Variants in DCT observed in about 807,000 individuals in gnomAD.
DCT encodes L-dopachrome tautomerase.
A neutral mutation model predicts 53.0 loss-of-function variants in DCT; 47 were observed. That is an observed-to-expected ratio of 0.89 (90% CI 0.70 to 1.13). DCT has a LOEUF of 1.13. Ranked by LOEUF, DCT falls within the 50% of genes most tolerant of loss-of-function variation. DCT has a pLI of 0.00. For synonymous variants in DCT, 244 were observed against 237.0 expected (o/e 1.03, Z -0.27); for missense variants, 669 against 637.4 (o/e 1.05, Z -0.53).
At chr13:94,528,741 C>A in the DCT span, among the ~76,000 whole-genome samples, 7 of 152,104 alleles carry the variant, frequency 4.6e-5, no homozygotes, top group African/African-American at 7.2e-5. Context: ...AATTAACGGG[C>A]AAAATAACCA....
chr13:94,437,213 G>A lies in DCT; in HGVS notation c.*2685C>T, dbSNP rs1881958241. The A allele has an allele frequency of 6.6e-6, 1 of 152,158 alleles. No individual in the cohort carries two copies. Among genetic ancestry groups the A allele is most frequent in the African/African-American group, 2.4e-5 (1 of 41,446 alleles). 9.4% of individuals were successfully genotyped at this position (152,158 alleles called of 1,614,324 possible). On this transcript the variant is annotated 3_prime_UTR_variant, in exon 8 of 8. Coordinates refer to ENST00000377028, the MANE Select transcript of DCT (RefSeq NM_001922.5). ...GAGGTTGTTATTATATATTTTACATGTATATATATTTCAATATACATGCTG... is the reference window on the plus strand; with the variant it reads ...GAGGTTGTTATTATATATTTTACATATATATATATTTCAATATACATGCTG...
upstream of DCT, among the ~76,000 whole-genome samples, chr13:94,482,638 T>A (rs1296342948): frequency 5.3e-5 from 8 of 152,342 alleles, no homozygotes; most frequent in East Asian, 3.9e-4. Flanking sequence ...GCAACAGTAT[T>A]TGGCAAATAG....
the DCT span, among the ~76,000 whole-genome samples, chr13:94,504,811 G>A: frequency 3.9e-5 from 6 of 152,234 alleles, no homozygotes; most frequent in South Asian, 4.2e-4. Flanking sequence ...GACTTGTCAA[G>A]GTGATGCCAT....
the DCT span, among the ~76,000 whole-genome samples, chr13:94,532,291 T>C: frequency 2.2e-4 from 34 of 152,320 alleles, no homozygotes; most frequent in African/African-American, 8.2e-4. Context: ...ACTGGGTATA[T>C]ACCCAGAGGA....
the DCT span, among the ~76,000 whole-genome samples, chr13:94,540,354 C>T: frequency 6.6e-6 from 1 of 152,086 alleles, no homozygotes; most frequent in African/African-American, 2.4e-5. Context: ...ATTTAAGACA[C>T]CACCTGAAAA....
At chr13:94,511,325 T>C in the DCT span, among the ~76,000 whole-genome samples, 1 of 151,236 alleles carries the variant, frequency 6.6e-6, no homozygotes, top group Non-Finnish European at 1.5e-5. Context: ...AGGCTGTTCG[T>C]GTTCCCCTGC....
At chr13:94,528,757 C>T in the DCT span, among the ~76,000 whole-genome samples, 1 of 152,172 alleles carries the variant, frequency 6.6e-6, no homozygotes, top group African/African-American at 2.4e-5. Context: ...AACCAGTTAA[C>T]ATCATAATGA....
In DCT at chr13:94,439,643, T is replaced by C. The variant is rs1882132911; in HGVS notation, c.*255A>G. The C allele has an allele frequency of 6.7e-6, 2 of 297,436 alleles. No individual in the cohort carries two copies. The highest frequency in any genetic ancestry group is 1.4e-4 in the South Asian group (1 of 7,246). 18.4% of individuals were successfully genotyped at this position (297,436 alleles called of 1,614,324 possible). ...TCAATATTGGGGGGGGGGTTATTAT[T>C]AGATATCACAAATTGTCAGGTCTAT... On this transcript the variant is annotated 3_prime_UTR_variant, in exon 8 of 8. Coordinates refer to ENST00000377028, the MANE Select transcript of DCT (RefSeq NM_001922.5).
In DCT at chr13:94,438,796, A is replaced by G. The variant is rs1051170430; in HGVS notation, c.*1102T>C. The G allele has an allele frequency of 5.7e-6, 2 of 350,564 alleles. No homozygotes were observed. Among genetic ancestry groups the G allele is most frequent in the African/African-American group, 2.1e-5 (1 of 46,566 alleles). The allele number at this position is 350,564 out of a possible 1,614,324, so 21.7% of individuals were successfully genotyped here. ...TTCTGAATTGTCATGTTTTGTACAG[A>G]TGGTTTGCTTTCAAATGATAAGACT... On this transcript the variant is annotated 3_prime_UTR_variant, in exon 8 of 8. Transcript: ENST00000377028.
the DCT span, among the ~76,000 whole-genome samples, chr13:94,501,264 G>A: frequency 4.6e-5 from 7 of 151,900 alleles, no homozygotes; most frequent in South Asian, 2.1e-4. Context: ...GCAAGACTCC[G>A]TCTCAAATAA....
At chr13:94,443,252 T>C (rs978594937) in intron 7 of DCT, among the ~76,000 whole-genome samples, 184 bp downstream of exon 7, 1 of 152,246 alleles carries the variant, frequency 6.6e-6, no homozygotes, top group Non-Finnish European at 1.5e-5. Context: ...CTTTCTGATG[T>C]TTAATTGGTA....
the DCT span, among the ~76,000 whole-genome samples, chr13:94,486,529 T>C: frequency 6.6e-6 from 1 of 152,182 alleles, no homozygotes; most frequent in African/African-American, 2.4e-5. Context: ...AGGGCATGAT[T>C]TGGAAAAACA....
the DCT span, among the ~76,000 whole-genome samples, chr13:94,549,029 T>TA: frequency 6.6e-6 from 1 of 152,172 alleles, no homozygotes; most frequent in East Asian, 1.9e-4. Flanking sequence ...CAACGTTCTT[T>TA]AGTCTGATGC....
chr13:94,527,870 C>A, the DCT span, among the ~76,000 whole-genome samples: 54 of 140,654 alleles, frequency 3.8e-4, no homozygotes, highest in South Asian at 1.2e-3. Flanking sequence ...TAACCCATCA[C>A]AAGAAAGCTA....
At chr13:94,524,729 A>AATT in the DCT span, among the ~76,000 whole-genome samples, 3,361 of 152,202 alleles carry the variant, frequency 0.022, 123 homozygotes, top group African/African-American at 0.076. Flanking sequence ...TTGTCGGTTG[A>AATT]ATTGTGCCCT....
At chr13:94,452,573 C>G (rs1247778040) in intron 6 of DCT, 3 of 743,128 alleles carry the variant, frequency 4.0e-6, no homozygotes. Context: ...ATTTTTTTAC[C>G]CTTTAAGCCA....
the DCT span, among the ~76,000 whole-genome samples, chr13:94,546,293 G>A: frequency 5.9e-5 from 9 of 152,164 alleles, no homozygotes; most frequent in South Asian, 1.5e-3. The surrounding 1 kb of genome is among the most constrained non-coding windows in gnomAD (Gnocchi z 4.2). Context: ...ATTTACATGC[G>A]TCAATCCTTT....
chr13:94,548,211 G>A, the DCT span, among the ~76,000 whole-genome samples: 2 of 151,766 alleles, frequency 1.3e-5, no homozygotes, highest in African/African-American at 4.8e-5. Context: ...TTGCAACCCT[G>A]GAAAGGCTGT....
intron 6 of DCT, among the ~76,000 whole-genome samples, chr13:94,448,341 T>G (rs1882862666): frequency 6.6e-6 from 1 of 152,162 alleles, no homozygotes; most frequent in Admixed American, 6.5e-5. Context: ...GACTGGTACA[T>G]GCTGAGAAAA....
Sources: allele counts gnomAD v4.1 joint callset (sites outside exome capture counted in the v4.1 genomes callset), GRCh38; gene constraint gnomAD v4.1.1; non-coding constraint Gnocchi (gnomAD v3.1); transcripts MANE v1.5; gene names NCBI Gene and HGNC (gene_info 2026-07-23, HGNC 2026-07-21).